Variants in RC3H2 observed in about 807,000 individuals in gnomAD.
RC3H2 encodes the protein roquin-2.
RC3H2 carries 31 observed loss-of-function variants against 133.3 expected under a neutral mutation model. The ratio of observed to expected loss-of-function variants is 0.23; its 90% confidence interval spans 0.17 to 0.31. The LOEUF is 0.31. RC3H2 is among the 10% of genes least tolerant of loss of function. The pLI is 1.00. For synonymous variants in RC3H2, 517 were observed against 502.2 expected (o/e 1.03, Z -0.40); for missense variants, 1,175 against 1,437.2 (o/e 0.82, Z 2.95).
chr9:122,895,225 T>C (rs973583772), intron 2 of RC3H2, among the ~76,000 whole-genome samples: 1 of 151,546 alleles, frequency 6.6e-6, no homozygotes, highest in African/African-American at 2.4e-5. Flanking sequence ...AGTGGCACGA[T>C]CTTGGCTCTC....
chr9:122,867,120 CGCCCG>C (rs975594052), intron 9 of RC3H2, among the ~76,000 whole-genome samples: 1 of 129,736 alleles, frequency 7.7e-6, no homozygotes, highest in Non-Finnish European at 1.7e-5. Context: ...GGAGACCCTC[CGCCCG>C]GCAACCGCCC....
intron 20 of RC3H2, 29 bp downstream of exon 20, chr9:122,851,052 T>C (rs1830000695): frequency 6.2e-7 from 1 of 1,612,610 alleles, no homozygotes; most frequent in African/African-American, 1.3e-5. Context: ...CTATGCCCAC[T>C]GTTTATGAAT....
Position 122,890,557 on chromosome 9 carries a change from G to A in RC3H2, c.350-12C>T, listed in dbSNP as rs1341455042. The A allele has an allele frequency of 1.3e-6, 2 of 1,563,560 alleles. No individual in the cohort carries two copies. The highest frequency in any genetic ancestry group is 2.3e-5 in the East Asian group (1 of 44,272). On this transcript the variant is annotated splice_polypyrimidine_tract_variant and intron_variant, in intron 3 of 20. Transcript: ENST00000357244. ...CAAGCTAGCTACACCTTTAGGAAAA[G>A]GGAAACAAAGGGAGCTAAAGTTTTT...
Position 122,890,366 on chromosome 9 carries a change from A to G in RC3H2, c.529T>C (p.Ser177Pro). 1.2e-6 allele frequency: 2 copies of G among 1,614,130 alleles called. No homozygotes were observed. The highest frequency in any genetic ancestry group is 1.7e-6 in the Non-Finnish European group (2 of 1,180,012). ...CTGACAGCGGCCCATAGATTGGCAGACAACTGCTGAGGGTTCTGGTGCTGT... is the reference window on the plus strand; with the variant it reads ...CTGACAGCGGCCCATAGATTGGCAGGCAACTGCTGAGGGTTCTGGTGCTGT... ...ILQHQNPQQL[S>P]ANLWAAVRAR... Residue 177 changes from serine (S) to proline (P), a missense_variant, in exon 4 of 21, where the codon TCT becomes CCT. By Grantham distance (74) the Ser-to-Pro change is moderately conservative. This residue lies in a region of RC3H2 where 121 missense variants were observed against 243.5 expected (regional missense o/e 0.50). Coordinates refer to ENST00000357244, the MANE Select transcript of RC3H2 (RefSeq NM_001100588.3).
At chr9:122,902,897 ATATTT>A (rs1832711012) in intron 1 of RC3H2, among the ~76,000 whole-genome samples, 1 of 152,014 alleles carries the variant, frequency 6.6e-6, no homozygotes, top group Non-Finnish European at 1.5e-5. Context: ...TTTTAGTAAT[ATATTT>A]TATTTATCCC....
At position 122,860,224 on chromosome 9, in the gene RC3H2, CCA is replaced by C. The variant is rs1830404644; in HGVS notation, c.1635-95_1635-94del. Reference sequence around the variant, plus strand: ...TTTTTAATAAAATTATATTCTGAAACCACTAATAGAAAACACTTCAGACATTG... The same window carrying C: ...TTTTTAATAAAATTATATTCTGAAACCTAATAGAAAACACTTCAGACATTG... On this transcript the variant is annotated intron_variant, in intron 10 of 20. Coordinates refer to ENST00000357244, the MANE Select transcript of RC3H2 (RefSeq NM_001100588.3). 3 of 945,800 alleles carry C rather than the reference CCA, an allele frequency of 3.2e-6. No homozygotes were observed. The South Asian group carries it at 4.7e-5, about 15-fold the overall frequency. 58.6% of individuals were successfully genotyped at this position (945,800 alleles called of 1,614,324 possible).
At chr9:122,896,287 C>T (rs1832416408) in intron 2 of RC3H2, among the ~76,000 whole-genome samples, 1 of 152,070 alleles carries the variant, frequency 6.6e-6, no homozygotes, top group African/African-American at 2.4e-5. Flanking sequence ...ATATATACAT[C>T]CCTACATAGA....
chr9:122,864,995 T>C (rs1049555472), intron 10 of RC3H2, among the ~76,000 whole-genome samples: 3 of 152,130 alleles, frequency 2.0e-5, no homozygotes, highest in African/African-American at 7.2e-5. Flanking sequence ...GCTCAGCATT[T>C]TACCTGCTTA....
chr9:122,869,713 G>A (rs915388863), intron 9 of RC3H2, among the ~76,000 whole-genome samples: 5 of 151,808 alleles, frequency 3.3e-5, no homozygotes, highest in Non-Finnish European at 5.9e-5. Context: ...TTATAGGCGC[G>A]CGCCTGCCAA....
intron 18 of RC3H2, 32 bp downstream of exon 18, chr9:122,853,920 A>T: frequency 6.2e-7 from 1 of 1,614,240 alleles, no homozygotes; most frequent in Non-Finnish European, 8.5e-7. Flanking sequence ...CAAATACATT[A>T]AGCATGAAGC....
At chr9:122,879,938 T>C in intron 7 of RC3H2, 55 bp downstream of exon 7, 1 of 1,611,916 alleles carries the variant, frequency 6.2e-7, no homozygotes, top group East Asian at 2.2e-5. Context: ...TTCTCTTGTG[T>C]TATTCACCTC....
intron 18 of RC3H2, among the ~76,000 whole-genome samples, chr9:122,853,010 G>A (rs1830110369): frequency 6.6e-6 from 1 of 152,138 alleles, no homozygotes; most frequent in South Asian, 2.1e-4. Flanking sequence ...AGTAGACATG[G>A]GAGACTTTTC....
rs1194492230 is a variant in RC3H2 at position 122,860,060 on chromosome 9, C to A, written c.1706G>T (p.Gly569Val). 1.2e-6 allele frequency: 2 copies of A among 1,614,080 alleles called. No individual in the cohort carries two copies. The highest frequency in any genetic ancestry group is 3.3e-5 in the Admixed American group (2 of 60,006). The change falls in exon 11 of 21, where the codon GGA becomes GTA. Residue 569 changes from glycine (G) to valine (V), a missense_variant. Coordinates refer to ENST00000357244, the MANE Select transcript of RC3H2 (RefSeq NM_001100588.3). The part of the protein sequence containing the change: ...AATSAGPSNV[G>V]TELNSVPQKS... ...TTGAGGCACAGAATTCAGCTCTGTT[C>A]CAACATTAGAGGGCCCAGCTGAGGT...
intron 10 of RC3H2, among the ~76,000 whole-genome samples, chr9:122,860,868 T>C (rs1830430139): frequency 6.6e-6 from 1 of 152,196 alleles, no homozygotes; most frequent in African/African-American, 2.4e-5. Context: ...AGTTGTTTTC[T>C]ATGAGGAGTT....
chr9:122,892,652 C>G (rs1832233519), intron 3 of RC3H2, among the ~76,000 whole-genome samples: 1 of 152,140 alleles, frequency 6.6e-6, no homozygotes, highest in African/African-American at 2.4e-5. Flanking sequence ...ATCTTGTGAT[C>G]CGCCCGCGCT....
At chr9:122,870,911 C>T (rs980650291) in intron 9 of RC3H2, among the ~76,000 whole-genome samples, 3 of 152,144 alleles carry the variant, frequency 2.0e-5, no homozygotes, top group African/African-American at 7.2e-5. Flanking sequence ...TGTGCAATCA[C>T]GCTGTCTATA....
intron 4 of RC3H2, among the ~76,000 whole-genome samples, chr9:122,888,426 A>G (rs1035498405): frequency 6.6e-6 from 1 of 152,206 alleles, no homozygotes; most frequent in African/African-American, 2.4e-5. Flanking sequence ...GGCAAAGTCT[A>G]GCTTCTGTCC....
Position 122,847,699 on chromosome 9 carries a change from G to A in RC3H2, c.*1928C>T, listed in dbSNP as rs957645229. 3 of 152,072 alleles carry A rather than the reference G, an allele frequency of 2.0e-5. No individual in the cohort carries two copies. Among genetic ancestry groups the A allele is most frequent in the African/African-American group, 7.2e-5 (3 of 41,414 alleles). The allele number at this position is 152,072 out of a possible 1,614,324, so 9.4% of individuals were successfully genotyped here. On this transcript the variant is annotated 3_prime_UTR_variant, in exon 21 of 21. Transcript: ENST00000357244. ...AAAACCCTTGTTCCTATTCATTTCAGGTTACAGAGTGAAATAAATAAAATG... is the reference window on the plus strand; with the variant it reads ...AAAACCCTTGTTCCTATTCATTTCAAGTTACAGAGTGAAATAAATAAAATG...
At chr9:122,886,770 C>T (rs1486667895) in intron 4 of RC3H2, among the ~76,000 whole-genome samples, 3 of 152,228 alleles carry the variant, frequency 2.0e-5, no homozygotes, top group Non-Finnish European at 2.9e-5. Flanking sequence ...TCCCTAATAA[C>T]TAAATACACT....
Sources: allele counts gnomAD v4.1 joint callset (sites outside exome capture counted in the v4.1 genomes callset), GRCh38; gene constraint gnomAD v4.1.1; regional missense constraint gnomAD v4.1.1; transcripts MANE v1.5; gene names NCBI Gene and HGNC (gene_info 2026-07-23, HGNC 2026-07-21).